The following ADD3 variants were observed in gnomAD, a reference collection of about 807,000 sequenced individuals.
ADD3 encodes gamma-adducin.
ADD3 carries 25 observed loss-of-function variants against 80.2 expected under a neutral mutation model. The observed-to-expected ratio is 0.31, with a 90% CI of 0.23 to 0.44. The LOEUF is 0.44. ADD3 is among the 20% of genes least tolerant of loss of function. The pLI, the probability that ADD3 is intolerant of heterozygous loss-of-function variation, is 1.00. For missense variants in ADD3, 829 were observed against 847.5 expected, an observed-to-expected ratio of 0.98 and a Z score of 0.27; for synonymous variants, 284 against 289.6, an observed-to-expected ratio of 0.98 and a Z score of 0.20.
At chr10:110,039,355 T>A (rs1856022192) in intron 1 of ADD3, among the ~76,000 whole-genome samples, 2 of 151,894 alleles carry the variant, frequency 1.3e-5, no homozygotes, top group Admixed American at 6.6e-5. Flanking sequence ...AAAAAAAGTG[T>A]TCAGGGCTGT....
Position 110,070,989 on chromosome 10 carries a change from G to T in ADD3, c.-29-29636G>T, listed in dbSNP as rs997185399. 2.4e-4 allele frequency among the ~76,000 whole-genome samples: 25 copies of T among 103,852 alleles called. 1 individual carries two copies. The highest frequency in any genetic ancestry group is 6.9e-4 in the East Asian group (2 of 2,904). 68.1% of individuals were successfully genotyped at this position (103,852 alleles called of 152,430 possible). Reference sequence around the variant, plus strand: ...TAGTTTTTTGTTGTTTTTGGGGGGGGGGGGTGGGGAGCCAGCTTTGCCTCC... The same window carrying T: ...TAGTTTTTTGTTGTTTTTGGGGGGGTGGGGTGGGGAGCCAGCTTTGCCTCC... On this transcript the variant is annotated intron_variant, in intron 1 of 14. Coordinates refer to ENST00000356080, the MANE Select transcript of ADD3 (RefSeq NM_016824.5).
intron 1 of ADD3, among the ~76,000 whole-genome samples, chr10:110,033,106 G>A (rs1038732685): frequency 3.3e-5 from 5 of 152,176 alleles, no homozygotes; most frequent in African/African-American, 7.2e-5. Context: ...ATTATATAAT[G>A]TGTGTGAGCA....
At chr10:110,004,416 C>T (rs1851554582), upstream of ADD3, among the ~76,000 whole-genome samples, 1 of 152,042 alleles carries the variant, frequency 6.6e-6, no homozygotes, top group Non-Finnish European at 1.5e-5. Context: ...CGCCTGTAGT[C>T]CCAGGCTGAG....
At chr10:110,053,337 C>G (rs1209348135) in intron 1 of ADD3, among the ~76,000 whole-genome samples, 1 of 151,800 alleles carries the variant, frequency 6.6e-6, no homozygotes, top group Non-Finnish European at 1.5e-5. Context: ...TATAAAATAG[C>G]TTTTTACTTT....
chr10:110,100,280 G>C (rs181279002), intron 1 of ADD3, among the ~76,000 whole-genome samples: 33 of 150,896 alleles, frequency 2.2e-4, no homozygotes, highest in African/African-American at 7.4e-4. Flanking sequence ...AACCCAGGAG[G>C]TGGAGGTTGC....
intron 10 of ADD3, 36 bp downstream of exon 10, chr10:110,124,310 A>T: frequency 6.3e-7 from 1 of 1,597,446 alleles, no homozygotes; most frequent in South Asian, 1.1e-5. Flanking sequence ...CCTTTACTAA[A>T]TATTTTGCCT....
chr10:110,097,322 G>C (rs1848286188), intron 1 of ADD3, among the ~76,000 whole-genome samples: 1 of 152,122 alleles, frequency 6.6e-6, no homozygotes, highest in Admixed American at 6.5e-5. Context: ...GGTGAGGAAA[G>C]AACATGGTAT....
At chr10:110,045,303 G>A (rs1246509397) in intron 1 of ADD3, among the ~76,000 whole-genome samples, 4 of 152,034 alleles carry the variant, frequency 2.6e-5, no homozygotes, top group African/African-American at 9.7e-5. Flanking sequence ...GCAGTGAGCC[G>A]AGATTGTGCC....
chr10:110,027,698 A>T (rs1231547387), intron 1 of ADD3, among the ~76,000 whole-genome samples: 1 of 152,082 alleles, frequency 6.6e-6, no homozygotes, highest in Non-Finnish European at 1.5e-5. Context: ...GAATTCCTCC[A>T]CTAGCAGTTT....
At chr10:110,063,737 T>TTTTATATA (rs1491263798) in intron 1 of ADD3, among the ~76,000 whole-genome samples, 67 of 64,636 alleles carry the variant, frequency 1.0e-3, no homozygotes, top group Non-Finnish European at 1.6e-3. Context: ...TATATATTCA[T>TTTTATATA]TATATATATA....
At position 110,133,644 on chromosome 10, in the gene ADD3, A is replaced by G. The variant is rs1853355137; in HGVS notation, c.*26A>G. 1 of 1,512,570 alleles carries G rather than the reference A, an allele frequency of 6.6e-7. No individual in the cohort carries two copies. The highest frequency in any genetic ancestry group is 1.4e-5 in the African/African-American group (1 of 71,480). The allele number at this position is 1,512,570 out of a possible 1,614,324, so 93.7% of individuals were successfully genotyped here. On this transcript the variant is annotated 3_prime_UTR_variant, in exon 15 of 15. Coordinates refer to ENST00000356080, the MANE Select transcript of ADD3 (RefSeq NM_016824.5). Reference sequence around the variant, plus strand: ...ATAAAGTCTTTTTATAATTATTATTATAACAATGTGACATTGCACATCTAA... The same window carrying G: ...ATAAAGTCTTTTTATAATTATTATTGTAACAATGTGACATTGCACATCTAA...
At chr10:110,091,235 T>G (rs1847463938) in intron 1 of ADD3, among the ~76,000 whole-genome samples, 1 of 152,206 alleles carries the variant, frequency 6.6e-6, no homozygotes, top group African/African-American at 2.4e-5. Context: ...GCTGGATATA[T>G]CTTTAGGAAA....
chr10:110,104,376 T>G (rs190407773), intron 2 of ADD3, among the ~76,000 whole-genome samples: 15 of 152,378 alleles, frequency 9.8e-5, no homozygotes, highest in Non-Finnish European at 1.5e-4. Context: ...AGGTAGCCTG[T>G]GTTTGCCACT....
chr10:110,079,997 T>G (rs1301138477), intron 1 of ADD3, among the ~76,000 whole-genome samples: 1 of 152,190 alleles, frequency 6.6e-6, no homozygotes, highest in Non-Finnish European at 1.5e-5. Flanking sequence ...TTCTCCTACC[T>G]CCGTTTTGGG....
chr10:110,108,754 A>G (rs781081670), intron 2 of ADD3, among the ~76,000 whole-genome samples: 1 of 152,208 alleles, frequency 6.6e-6, no homozygotes, highest in Non-Finnish European at 1.5e-5. Context: ...GAAACATGTA[A>G]AAATGAGTAA....
chr10:110,050,616 G>A (rs748881277), intron 1 of ADD3, among the ~76,000 whole-genome samples: 16 of 150,742 alleles, frequency 1.1e-4, no homozygotes, highest in East Asian at 2.0e-4. Context: ...GGGTTCAAGC[G>A]ATTCTCCTGC....
At chr10:110,022,377 A>G (rs959981601) in intron 1 of ADD3, among the ~76,000 whole-genome samples, 1 of 152,194 alleles carries the variant, frequency 6.6e-6, no homozygotes, top group African/African-American at 2.4e-5. Context: ...CATAAAAAAA[A>G]CAGAACCATC....
At chr10:110,007,186 G>A (rs1442760275), upstream of ADD3, among the ~76,000 whole-genome samples, 1 of 152,140 alleles carries the variant, frequency 6.6e-6, no homozygotes, top group South Asian at 2.1e-4. Context: ...TCGACTTTTC[G>A]CCTCAAAGAA....
chr10:110,042,361 A>G (rs974708584), intron 1 of ADD3, among the ~76,000 whole-genome samples: 19 of 152,284 alleles, frequency 1.2e-4, no homozygotes, highest in African/African-American at 3.4e-4. Context: ...CCAGGAGGTG[A>G]CAAAGAGTCC....
Sources: allele counts gnomAD v4.1 joint callset (sites outside exome capture counted in the v4.1 genomes callset), GRCh38; gene constraint gnomAD v4.1.1; transcripts MANE v1.5; gene names NCBI Gene and HGNC (gene_info 2026-07-23, HGNC 2026-07-21).